Variants in ASB6 observed in about 807,000 individuals in gnomAD.
ASB6 encodes the protein ankyrin repeat and SOCS box protein 6.
In ASB6, 24 loss-of-function variants were observed where a neutral mutation model predicts 28.6. The observed-to-expected ratio is 0.84, with a 90% CI of 0.61 to 1.18. The LOEUF (loss-of-function observed/expected upper bound fraction) is 1.18. ASB6 is among the 50% of genes most tolerant of loss of function. ASB6 has a pLI of 0.00. For missense variants in ASB6, 519 were observed against 559.8 expected (o/e 0.93, Z 0.74); for synonymous variants, 267 against 243.4 (o/e 1.10, Z -0.90).
At chr9:129,638,516 C>G (rs895521462) in intron 5 of ASB6, 57 bp downstream of exon 5, 46 of 1,610,602 alleles carry the variant, frequency 2.9e-5, no homozygotes, top group Non-Finnish European at 3.7e-5. Context: ...GGCAAAGCAA[C>G]AGCACACATC....
In ASB6 at chr9:129,635,490, G is replaced by T; in HGVS notation, c.*2300C>A. 6.3e-7 allele frequency: 1 copy of T among 1,596,362 alleles called. No individual in the cohort carries two copies. Among genetic ancestry groups the T allele is most frequent in the South Asian group, 1.1e-5 (1 of 89,650 alleles). Reference sequence around the variant, plus strand: ...GCCGGGGCTGGCAGGAGAAACTGAGGAACCACAGTCCTGGTGGGGGGAGCT... The same window carrying T: ...GCCGGGGCTGGCAGGAGAAACTGAGTAACCACAGTCCTGGTGGGGGGAGCT... On this transcript the variant is annotated 3_prime_UTR_variant, in exon 6 of 6. Transcript: ENST00000277458.
intron 4 of ASB6, 27 bp from the exon 5 acceptor site, chr9:129,638,686 A>G (rs572062485): frequency 2.5e-6 from 4 of 1,597,558 alleles, no homozygotes; most frequent in Non-Finnish European, 3.4e-6. Context: ...AGCAAGGAGG[A>G]GCAGGAGGCC....
rs928924163 is a variant in ASB6 at position 129,634,787 on chromosome 9, C to T, written c.*3003G>A. 1 of 256,048 alleles carries T rather than the reference C, an allele frequency of 3.9e-6. No individual in the cohort carries two copies. The highest frequency in any genetic ancestry group is 7.6e-6 in the Non-Finnish European group (1 of 131,026). 15.9% of individuals were successfully genotyped at this position (256,048 alleles called of 1,614,324 possible). A position where few individuals can be genotyped will look rare whatever the true frequency, so the allele number is the denominator to read the frequency against. On this transcript the variant is annotated 3_prime_UTR_variant, in exon 6 of 6. Transcript: ENST00000277458. ...GCAGCACAGGCCTGCTGTGGACACT[C>T]TAGGTCTGGCCTTGTATTTTGTGGT...
At position 129,636,902 on chromosome 9, in the gene ASB6, GAA is replaced by G. The variant is rs1831570149; in HGVS notation, c.*886_*887del. Reference sequence around the variant, plus strand: ...TATATAAGGACCTTGTTAAGGCCAAGAAAGTCAGTTTAATCTTATAATATAAA... The same window carrying G: ...TATATAAGGACCTTGTTAAGGCCAAGAGTCAGTTTAATCTTATAATATAAA... On this transcript the variant is annotated 3_prime_UTR_variant, in exon 6 of 6. Coordinates refer to ENST00000277458, the MANE Select transcript of ASB6 (RefSeq NM_017873.4). The G allele has an allele frequency of 6.6e-6, 1 of 152,192 alleles. No homozygotes were observed. 9.4% of individuals were successfully genotyped at this position (152,192 alleles called of 1,614,324 possible). A position where few individuals can be genotyped will look rare whatever the true frequency, so the allele number is the denominator to read the frequency against.
At chr9:129,639,175 T>C in intron 4 of ASB6, 27 bp downstream of exon 4, 1 of 1,581,106 alleles carries the variant, frequency 6.3e-7, no homozygotes, top group Non-Finnish European at 8.6e-7. Context: ...GGCCCAGCTG[T>C]CCTGCTTTCC....
chr9:129,637,759 C>T lies in ASB6; in HGVS notation c.*31G>A, dbSNP rs747416480. 3.1e-5 allele frequency: 46 copies of T among 1,491,686 alleles called. No homozygotes were observed. Among genetic ancestry groups the T allele is most frequent in the Non-Finnish European group, 4.0e-5 (45 of 1,117,376 alleles). The allele number at this position is 1,491,686 out of a possible 1,614,324, so 92.4% of individuals were successfully genotyped here. On this transcript the variant is annotated 3_prime_UTR_variant, in exon 6 of 6. Coordinates refer to ENST00000277458, the MANE Select transcript of ASB6 (RefSeq NM_017873.4). ...TACCAACAGGCTGACCTGAGCTGCCCGTGTCCCCCGTTCCTGTAGCCTGAG... is the reference window on the plus strand; with the variant it reads ...TACCAACAGGCTGACCTGAGCTGCCTGTGTCCCCCGTTCCTGTAGCCTGAG...
intron 1 of ASB6, among the ~76,000 whole-genome samples, 157 bp downstream of exon 1, chr9:129,641,730 G>T (rs1421099370): frequency 6.6e-6 from 1 of 152,166 alleles, no homozygotes; most frequent in Non-Finnish European, 1.5e-5. Flanking sequence ...TGGGATCCGC[G>T]CGGGGCAGCG....
chr9:129,637,638 C>A lies in ASB6; in HGVS notation c.*152G>T. 1 of 755,494 alleles carries A rather than the reference C, an allele frequency of 1.3e-6. No homozygotes were observed. The highest frequency in any genetic ancestry group is 2.0e-6 in the Non-Finnish European group (1 of 509,454). The allele number at this position is 755,494 out of a possible 1,614,324, so 46.8% of individuals were successfully genotyped here. On this transcript the variant is annotated 3_prime_UTR_variant, in exon 6 of 6. Coordinates refer to ENST00000277458, the MANE Select transcript of ASB6 (RefSeq NM_017873.4). ...CTGCACCCTTCACCACTGGAGTGAT[C>A]ACAGCTTCAGGCTCTACCTGGCTGG...
At chr9:129,641,671 G>GCCCTCGGT (rs1199352919) in intron 1 of ASB6, among the ~76,000 whole-genome samples, 1 of 8,772 alleles carries the variant, frequency 1.1e-4, no homozygotes, top group Admixed American at 7.4e-4. Flanking sequence ...GCGGGCCTCC[G>GCCCTCGGT]CCCTCGGGCC....
rs1438500183 is a variant in ASB6, at chr9:129,638,025, T to C, written c.1031A>G (p.Glu344Gly). Residue 344 changes from glutamate to glycine, a missense_variant, in exon 6 of 6, where the codon GAA (glutamate) becomes GGA (glycine). By Grantham distance (98) the Glu-to-Gly change is moderately conservative. Coordinates refer to ENST00000277458, the MANE Select transcript of ASB6 (RefSeq NM_017873.4). ...GCCCACAGGGTGGATATCGAAGTTT[T>C]CGGGCAGCTGGAGTTTCTGAGAGTT... ...VTNSQKLQLPENFDIHPVGSL... is the reference protein window; with the variant it reads ...VTNSQKLQLPGNFDIHPVGSL... 6.2e-7 allele frequency: 1 copy of C among 1,613,960 alleles called. No homozygotes were observed. Among genetic ancestry groups the C allele is most frequent in the African/African-American group, 1.3e-5 (1 of 74,920 alleles).
chr9:129,635,131 G>A lies in ASB6; in HGVS notation c.*2659C>T. 1 of 1,515,676 alleles carries A rather than the reference G, an allele frequency of 6.6e-7. No individual in the cohort carries two copies. Among genetic ancestry groups the A allele is most frequent in the Non-Finnish European group, 8.9e-7 (1 of 1,122,580 alleles). The allele number at this position is 1,515,676 out of a possible 1,614,324, so 93.9% of individuals were successfully genotyped here. Reference sequence around the variant, plus strand: ...TGGGCACAAATGAGGGGCTCAGCGGGGCTGAGAAGTACATCCCATCCAGTG... The same window carrying A: ...TGGGCACAAATGAGGGGCTCAGCGGAGCTGAGAAGTACATCCCATCCAGTG... On this transcript the variant is annotated 3_prime_UTR_variant, in exon 6 of 6. Transcript: ENST00000277458.
Position 129,639,230 on chromosome 9 carries a change from T to G in ASB6, c.483A>C (p.Gly161=). Residue 161 remains glycine, a synonymous_variant, in exon 4 of 6, where the codon GGA becomes GGC. Transcript: ENST00000277458. ...LPCLQRLLDL[G]ADVNAADKHG... Reference sequence around the variant, plus strand: ...GCTTGTCAGCGGCATTGACATCAGCTCCAAGGTCCAGGAGGCGCTGCAGGC... The same window carrying G: ...GCTTGTCAGCGGCATTGACATCAGCGCCAAGGTCCAGGAGGCGCTGCAGGC... 1.9e-6 allele frequency: 3 copies of G among 1,611,170 alleles called. No individual in the cohort carries two copies. Among genetic ancestry groups the G allele is most frequent in the Non-Finnish European group, 2.5e-6 (3 of 1,179,096 alleles).
chr9:129,637,760 G>A lies in ASB6; in HGVS notation c.*30C>T, dbSNP rs776978337. On this transcript the variant is annotated 3_prime_UTR_variant, in exon 6 of 6. Coordinates refer to ENST00000277458, the MANE Select transcript of ASB6 (RefSeq NM_017873.4). ...ACCAACAGGCTGACCTGAGCTGCCC[G>A]TGTCCCCCGTTCCTGTAGCCTGAGA... The A allele has an allele frequency of 4.4e-5, 65 of 1,491,138 alleles. No homozygotes were observed. The highest frequency in any genetic ancestry group is 3.5e-4 in the South Asian group (25 of 71,768). The allele number at this position is 1,491,138 out of a possible 1,614,324, so 92.4% of individuals were successfully genotyped here.
In ASB6 at chr9:129,641,875, G is replaced by T. The variant is rs1028794295; in HGVS notation, c.113+12C>A. 1.3e-6 allele frequency: 2 copies of T among 1,584,468 alleles called. No homozygotes were observed. The highest frequency in any genetic ancestry group is 1.4e-5 in the African/African-American group (1 of 72,286). ...AGCGGCCTCGGCCAGCTCACGGGAG[G>T]GGGTGAGTTACCGGTCCAGAGACTC... On this transcript the variant is annotated intron_variant, in intron 1 of 5. Transcript: ENST00000277458.
chr9:129,635,675 G>A lies in ASB6; in HGVS notation c.*2115C>T, dbSNP rs546602332. ...CTGCTGAACCAGCGGTGAGGCAGGA[G>A]CCCAGACCCTGCTCTCCTGCGAGAT... On this transcript the variant is annotated 3_prime_UTR_variant, in exon 6 of 6. Coordinates refer to ENST00000277458, the MANE Select transcript of ASB6 (RefSeq NM_017873.4). 8 of 601,068 alleles carry A rather than the reference G, an allele frequency of 1.3e-5. No individual in the cohort carries two copies. The highest frequency in any genetic ancestry group is 2.9e-5 in the East Asian group (1 of 34,678). The allele number at this position is 601,068 out of a possible 1,614,324, so 37.2% of individuals were successfully genotyped here. A position where few individuals can be genotyped will look rare whatever the true frequency, so the allele number is the denominator to read the frequency against.
Position 129,635,512 on chromosome 9 carries a change from A to G in ASB6, c.*2278T>C, listed in dbSNP as rs1588146970. ...GAGGAACCACAGTCCTGGTGGGGGG[A>G]GCTGGCAGCTGGGCAAGATCCAGGC... On this transcript the variant is annotated 3_prime_UTR_variant, in exon 6 of 6. Coordinates refer to ENST00000277458, the MANE Select transcript of ASB6 (RefSeq NM_017873.4). 6.4e-7 allele frequency: 1 copy of G among 1,570,822 alleles called. No individual in the cohort carries two copies. Among genetic ancestry groups the G allele is most frequent in the Non-Finnish European group, 8.6e-7 (1 of 1,157,330 alleles).
chr9:129,640,430 G>C (rs144164551), intron 2 of ASB6, 111 bp downstream of exon 2: 19 of 1,396,554 alleles, frequency 1.4e-5, no homozygotes, highest in African/African-American at 2.9e-5. Context: ...GAAATAAAGG[G>C]GGGGAAGTCA....
In ASB6 at chr9:129,639,489, C is replaced by T. The variant is rs377001543; in HGVS notation, c.315G>A (p.Thr105=). The part of the protein sequence containing the change: ...LNFEDPVTYY[T]ALHIAVLRNQ... ...TCCGCAGGACGGCGATGTGCAAGGC[C>T]GTGTAGTAGGTGACTGGGTCTGAAG... is the stretch of plus-strand genomic sequence containing the variant. Residue 105 remains threonine (T), a synonymous_variant, in exon 3 of 6, where the codon ACG becomes ACA. Transcript: ENST00000277458. The T allele has an allele frequency of 5.1e-5, 83 of 1,613,296 alleles. No individual in the cohort carries two copies. The Middle Eastern group carries it at 1.2e-3, about 22-fold the overall frequency.
At position 129,639,257 on chromosome 9, in the gene ASB6, G is replaced by C; in HGVS notation, c.456C>G (p.Pro152=). 6.2e-7 allele frequency: 1 copy of C among 1,612,576 alleles called. No individual in the cohort carries two copies. Among genetic ancestry groups the C allele is most frequent in the South Asian group, 1.1e-5 (1 of 90,980 alleles). The change falls in exon 4 of 6, where the codon CCC becomes CCG. Residue 152 remains proline, a synonymous_variant. Transcript: ENST00000277458. ...DLASEEPERL[P]CLQRLLDLGA... The stretch of plus-strand genomic sequence containing the variant: ...CAAGGTCCAGGAGGCGCTGCAGGCA[G>C]GGCAGGCGCTCAGGCTCCTCGCTGG...
Sources: allele counts gnomAD v4.1 joint callset (sites outside exome capture counted in the v4.1 genomes callset), GRCh38; gene constraint gnomAD v4.1.1; transcripts MANE v1.5; gene names NCBI Gene and HGNC (gene_info 2026-07-23, HGNC 2026-07-21).